The following ARL13B variants were observed in gnomAD, a reference collection of about 807,000 sequenced individuals.
ARL13B encodes ADP-ribosylation factor-like protein 13B.
A neutral mutation model predicts 56.1 loss-of-function variants in ARL13B; 36 were observed. The observed-to-expected ratio is 0.64, with a 90% CI of 0.49 to 0.85. The LOEUF is 0.85. Ranked by LOEUF, ARL13B falls within the 40% of genes least tolerant of loss-of-function variation. The pLI is 0.00. For missense variants in ARL13B, 519 were observed against 507.1 expected, an observed-to-expected ratio of 1.02 and a Z score of -0.23; for synonymous variants, 178 against 171.1, an observed-to-expected ratio of 1.04 and a Z score of -0.32.
chr3:94,006,234 T>C (rs1387293901), intron 3 of ARL13B, among the ~76,000 whole-genome samples: 1 of 152,080 alleles, frequency 6.6e-6, no homozygotes, highest in Non-Finnish European at 1.5e-5. Context: ...AGGTGGAGGT[T>C]GCAGTGAGCC....
intron 3 of ARL13B, among the ~76,000 whole-genome samples, chr3:94,024,489 G>A (rs1576002813): frequency 6.6e-6 from 1 of 152,224 alleles, no homozygotes; most frequent in East Asian, 1.9e-4. Context: ...ACAACATCTT[G>A]AACTTTCTCT....
intron 1 of ARL13B, chr3:93,988,857 A>T (rs563582534): frequency 3.2e-5 from 12 of 380,784 alleles, no homozygotes; most frequent in South Asian, 2.1e-4. Context: ...CCACTTTTGC[A>T]GGAGCAGGTT....
intron 1 of ARL13B, among the ~76,000 whole-genome samples, chr3:93,982,258 G>T (rs1296649235): frequency 6.6e-6 from 1 of 152,158 alleles, no homozygotes; most frequent in Non-Finnish European, 1.5e-5. Context: ...ACAGATAATT[G>T]AATTTTCTTA....
At chr3:94,034,253 TAAGC>T (rs1576023693) in intron 3 of ARL13B, among the ~76,000 whole-genome samples, 1 of 152,052 alleles carries the variant, frequency 6.6e-6, no homozygotes, top group Admixed American at 6.5e-5. Flanking sequence ...GGTATATAGA[TAAGC>T]AAGAATGACA....
chr3:93,982,965 T>C (rs1710290291), intron 1 of ARL13B, among the ~76,000 whole-genome samples: 1 of 152,144 alleles, frequency 6.6e-6, no homozygotes. Flanking sequence ...TCAACAGAAA[T>C]TGCCTGTTTG....
At position 94,003,639 on chromosome 3, in the gene ARL13B, T is replaced by A; in HGVS notation, c.131-20T>A. The stretch of plus-strand genomic sequence containing the variant: ...ATTAAAGTCTAAAGATTTTCTTTTT[T>A]TGTGTATCATTTGTAACAGAATACC... On this transcript the variant is annotated intron_variant, in intron 2 of 9. Coordinates refer to ENST00000394222, the MANE Select transcript of ARL13B (RefSeq NM_001174150.2). 6.2e-7 allele frequency: 1 copy of A among 1,610,746 alleles called. No individual in the cohort carries two copies. Among genetic ancestry groups the A allele is most frequent in the Non-Finnish European group, 8.5e-7 (1 of 1,178,752 alleles).
intron 2 of ARL13B, among the ~76,000 whole-genome samples, chr3:93,997,301 G>A (rs1347961459): frequency 2.6e-5 from 4 of 152,086 alleles, no homozygotes; most frequent in African/African-American, 4.8e-5. Flanking sequence ...TGATCTAAAG[G>A]GTAAGAATTG....
chr3:94,033,733 A>G (rs1299205504), intron 3 of ARL13B, among the ~76,000 whole-genome samples: 1 of 152,232 alleles, frequency 6.6e-6, no homozygotes, highest in Non-Finnish European at 1.5e-5. Flanking sequence ...TACCACCAAA[A>G]TAGGACATTA....
chr3:94,011,397 C>T (rs888233569), intron 3 of ARL13B, among the ~76,000 whole-genome samples: 1 of 152,104 alleles, frequency 6.6e-6, no homozygotes, highest in African/African-American at 2.4e-5. Flanking sequence ...GTTTGTTGTT[C>T]TCTCAAAATG....
At chr3:93,984,367 AAT>A (rs1321534085) in intron 1 of ARL13B, among the ~76,000 whole-genome samples, 1 of 152,060 alleles carries the variant, frequency 6.6e-6, no homozygotes, top group African/African-American at 2.4e-5. Flanking sequence ...AAAAAAAAAA[AAT>A]TAAAAAGAAG....
chr3:94,015,281 T>C (rs761521297), intron 3 of ARL13B: 17 of 1,511,548 alleles, frequency 1.1e-5, no homozygotes, highest in Non-Finnish European at 1.5e-5. Flanking sequence ...TTCCCTTTCC[T>C]CCTAAGAAGC....
intron 3 of ARL13B, chr3:94,014,503 C>T (rs1191151136): frequency 1.2e-6 from 2 of 1,611,652 alleles, no homozygotes; most frequent in South Asian, 2.2e-5. Context: ...CTCTTTTGTA[C>T]TATTCACTGT....
At chr3:94,033,391 T>G (rs1424553461) in intron 3 of ARL13B, among the ~76,000 whole-genome samples, 1 of 152,220 alleles carries the variant, frequency 6.6e-6, no homozygotes, top group Non-Finnish European at 1.5e-5. Flanking sequence ...GATTTTTTTT[T>G]TTTAAATCAA....
intron 9 of ARL13B, among the ~76,000 whole-genome samples, chr3:94,051,632 A>T (rs933412015): frequency 1.3e-5 from 2 of 152,118 alleles, no homozygotes; most frequent in African/African-American, 4.8e-5. Flanking sequence ...CAAAAGAATT[A>T]TAGATAAATG....
At chr3:94,002,339 T>C (rs2076068731) in intron 2 of ARL13B, among the ~76,000 whole-genome samples, 2 of 152,176 alleles carry the variant, frequency 1.3e-5, no homozygotes, top group South Asian at 4.1e-4. Context: ...AGTGCTGAGA[T>C]TTCAGGCCTG....
chr3:94,016,649 CTT>C (rs11442452), intron 3 of ARL13B, among the ~76,000 whole-genome samples: 16 of 142,402 alleles, frequency 1.1e-4, no homozygotes, highest in East Asian at 2.1e-4. Flanking sequence ...ATTAAGCTTT[CTT>C]TTTTTTTTTT....
chr3:93,988,528 T>C, intron 1 of ARL13B: 1 of 273,902 alleles, frequency 3.7e-6, no homozygotes, highest in Non-Finnish European at 7.3e-6. Flanking sequence ...TTAAAATGTT[T>C]CTAGAGCTAC....
chr3:93,994,559 C>G (rs976648506), intron 1 of ARL13B, among the ~76,000 whole-genome samples: 5 of 152,012 alleles, frequency 3.3e-5, no homozygotes, highest in Admixed American at 3.3e-4. Context: ...GTTTCTTTAT[C>G]TGTTTTTGTT....
chr3:94,018,336 C>T (rs753956021), intron 3 of ARL13B, among the ~76,000 whole-genome samples: 2 of 152,120 alleles, frequency 1.3e-5, no homozygotes, highest in African/African-American at 2.4e-5. Context: ...ATTTTTGAAA[C>T]TAGAAGCAAT....
Sources: gnomAD v4.1 joint callset for allele counts (sites outside exome capture counted in the v4.1 genomes callset) on GRCh38, gnomAD v4.1.1 for gene constraint, MANE v1.5 for transcripts, NCBI Gene and HGNC (gene_info 2026-07-23, HGNC 2026-07-21) for gene names.